The following TGFBRAP1 variants were observed in gnomAD, a reference collection of about 807,000 sequenced individuals.
TGFBRAP1 encodes the protein transforming growth factor beta receptor associated protein 1.
In TGFBRAP1, 20 loss-of-function variants were observed where a neutral mutation model predicts 83.2. That is an observed-to-expected ratio of 0.24 (90% CI 0.17 to 0.35). TGFBRAP1 has a LOEUF of 0.35. Ranked by LOEUF, TGFBRAP1 falls within the 10% of genes least tolerant of loss-of-function variation. The pLI, the probability that TGFBRAP1 is intolerant of heterozygous loss-of-function variation, is 1.00. For missense variants in TGFBRAP1, 950 were observed against 1,099.4 expected, an observed-to-expected ratio of 0.86 and a Z score of 1.92; for synonymous variants, 415 against 459.8, an observed-to-expected ratio of 0.90 and a Z score of 1.25.
At chr2:105,263,561 T>C (rs183056471), downstream of TGFBRAP1, among the ~76,000 whole-genome samples, 3 of 151,886 alleles carry the variant, frequency 2.0e-5, no homozygotes, top group Non-Finnish European at 4.4e-5. Flanking sequence ...TTCACCCCAA[T>C]CCACTGAAAT....
At chr2:105,316,516 C>A (rs1678882936) in intron 1 of TGFBRAP1, among the ~76,000 whole-genome samples, 1 of 149,714 alleles carries the variant, frequency 6.7e-6, no homozygotes, top group South Asian at 2.1e-4. Context: ...TTCTAAAATT[C>A]ACATGGCAGA....
the TGFBRAP1 span, among the ~76,000 whole-genome samples, chr2:105,258,727 C>T: frequency 9.1e-6 from 1 of 110,414 alleles, no homozygotes; most frequent in African/African-American, 3.5e-5. Flanking sequence ...CTCTCCCCAC[C>T]CCTACACACA....
At chr2:105,323,173 C>A (rs1679118160) in intron 1 of TGFBRAP1, among the ~76,000 whole-genome samples, 1 of 152,086 alleles carries the variant, frequency 6.6e-6, no homozygotes, top group South Asian at 2.1e-4. Context: ...GCATTGGAGG[C>A]CAGTTTTCTT....
downstream of TGFBRAP1, among the ~76,000 whole-genome samples, chr2:105,259,478 A>G (rs995959290): frequency 6.6e-6 from 1 of 152,156 alleles, no homozygotes; most frequent in African/African-American, 2.4e-5. Context: ...CCCTCTCAAA[A>G]ACAGGAATTG....
chr2:105,301,843 G>T (rs770750787), intron 2 of TGFBRAP1, among the ~76,000 whole-genome samples: 6 of 151,996 alleles, frequency 3.9e-5, no homozygotes, highest in Admixed American at 2.0e-4. Flanking sequence ...GGCTCAAGCG[G>T]TCCTCCTGCC....
chr2:105,322,912 C>T (rs2679875), intron 1 of TGFBRAP1, among the ~76,000 whole-genome samples: 1 of 151,934 alleles, frequency 6.6e-6, no homozygotes, highest in Non-Finnish European at 1.5e-5. Flanking sequence ...GCCTTTGAGA[C>T]GGATGGGGGG....
intron 2 of TGFBRAP1, among the ~76,000 whole-genome samples, chr2:105,298,934 T>G (rs1489246863): frequency 6.6e-6 from 1 of 152,152 alleles, no homozygotes; most frequent in Non-Finnish European, 1.5e-5. Flanking sequence ...TGATATTTAC[T>G]TCCAATTAAA....
At chr2:105,276,185 C>T (rs1448348443) in intron 7 of TGFBRAP1, among the ~76,000 whole-genome samples, 1 of 152,208 alleles carries the variant, frequency 6.6e-6, no homozygotes, top group Non-Finnish European at 1.5e-5. Flanking sequence ...TTCAGTGATT[C>T]TGTCCCCTGA....
At chr2:105,262,825 G>A (rs868215955), downstream of TGFBRAP1, among the ~76,000 whole-genome samples, 29 of 152,172 alleles carry the variant, frequency 1.9e-4, no homozygotes, top group Admixed American at 1.6e-3. Context: ...GGAAAAGTAG[G>A]CTTCATTAAT....
In TGFBRAP1 at chr2:105,273,030, G is replaced by A. The variant is rs1351946268; in HGVS notation, c.1813-16C>T. On this transcript the variant is annotated splice_polypyrimidine_tract_variant and intron_variant, in intron 9 of 11. Transcript: ENST00000393359. ...ACTCTTCTTTCTGCAGGAAACAGGG[G>A]GAGCCAAGCAGACAGACAGTGTTTT... 1.9e-6 allele frequency: 3 copies of A among 1,605,810 alleles called. No homozygotes were observed. The highest frequency in any genetic ancestry group is 2.7e-5 in the African/African-American group (2 of 74,246).
chr2:105,307,180 G>C (rs1437219064), intron 2 of TGFBRAP1, among the ~76,000 whole-genome samples: 2 of 146,180 alleles, frequency 1.4e-5, no homozygotes, highest in African/African-American at 2.4e-5. Flanking sequence ...TCTCAGGGCT[G>C]CTGGCTCACT....
chr2:105,328,646 G>A (rs1180996438), intron 1 of TGFBRAP1, among the ~76,000 whole-genome samples: 6 of 152,162 alleles, frequency 3.9e-5, no homozygotes, highest in Admixed American at 6.5e-5. Flanking sequence ...GCCTTAACTT[G>A]CCACCACAAT....
intron 4 of TGFBRAP1, among the ~76,000 whole-genome samples, chr2:105,287,813 G>A (rs1677769497): frequency 1.3e-5 from 2 of 152,034 alleles, no homozygotes; most frequent in Admixed American, 1.3e-4. Context: ...TCACATCTCT[G>A]TGAGTAATGG....
At chr2:105,286,496 A>G (rs1428812788) in intron 4 of TGFBRAP1, among the ~76,000 whole-genome samples, 1 of 152,236 alleles carries the variant, frequency 6.6e-6, no homozygotes, top group East Asian at 1.9e-4. Flanking sequence ...ATGAGTACAT[A>G]CGAAGGACAG....
intron 1 of TGFBRAP1, chr2:105,327,443 C>T (rs1193002860): frequency 6.6e-6 from 1 of 152,062 alleles, no homozygotes; most frequent in Non-Finnish European, 1.5e-5. Flanking sequence ...TAGTGCGAGC[C>T]TGTGGTCCCA....
At chr2:105,314,451 C>T (rs369848653) in intron 1 of TGFBRAP1, among the ~76,000 whole-genome samples, 4 of 151,334 alleles carry the variant, frequency 2.6e-5, no homozygotes, top group Admixed American at 6.6e-5. Context: ...AGGGTTTCAC[C>T]GTGTTAGCCA....
the TGFBRAP1 span, among the ~76,000 whole-genome samples, chr2:105,251,131 G>A: frequency 6.6e-6 from 1 of 151,956 alleles, no homozygotes; most frequent in Non-Finnish European, 1.5e-5. Flanking sequence ...TGAGATGTGG[G>A]GAGCGCCTCT....
intron 3 of TGFBRAP1, among the ~76,000 whole-genome samples, chr2:105,297,020 A>AATGTATTC (rs1252016333): frequency 6.6e-6 from 1 of 152,000 alleles, no homozygotes; most frequent in Non-Finnish European, 1.5e-5. Flanking sequence ...TCTTGCCATT[A>AATGTATTC]ATGTATTCAT....
At chr2:105,278,537 G>T (rs2576739) in intron 6 of TGFBRAP1, among the ~76,000 whole-genome samples, 23,466 of 152,044 alleles carry the variant, frequency 0.15, 2,271 homozygotes, top group South Asian at 0.24. Context: ...TATAACCCGC[G>T]TGACCTTGAG....
Sources: allele counts gnomAD v4.1 joint callset (sites outside exome capture counted in the v4.1 genomes callset), GRCh38; gene constraint gnomAD v4.1.1; transcripts MANE v1.5; gene names NCBI Gene and HGNC (gene_info 2026-07-23, HGNC 2026-07-21).